The following POLG variants were observed in gnomAD, a reference collection of about 807,000 sequenced individuals.
POLG encodes the protein DNA polymerase gamma, catalytic subunit, also known as DNA polymerase subunit gamma-1.
A neutral mutation model predicts 155.4 loss-of-function variants in POLG; 110 were observed. The observed-to-expected ratio is 0.71, with a 90% CI of 0.61 to 0.83. The LOEUF (loss-of-function observed/expected upper bound fraction) is 0.83, where lower values mean the gene tolerates loss of function less well. POLG is among the 40% of genes least tolerant of loss of function. The pLI is 0.00. For missense variants in POLG, 1,685 were observed against 1,627.5 expected, an observed-to-expected ratio of 1.04 and a Z score of -0.61; for synonymous variants, 701 against 631.5, an observed-to-expected ratio of 1.11 and a Z score of -1.65.
At position 89,316,780 on chromosome 15, in the gene POLG, A is replaced by G. The variant is rs941120370; in HGVS notation, c.3691T>C (p.Leu1231=). Residue 1231 remains leucine (L), a synonymous_variant, in exon 23 of 23, where the codon TTG becomes CTG. Transcript: ENST00000268124. Reference sequence around the variant, plus strand: ...GGTCCAGGCTGGCTTCGTTTTTCCAAGGAGCCTTTGGTGAGTTCAATTATC... The same window carrying G: ...GGTCCAGGCTGGCTTCGTTTTTCCAGGGAGCCTTTGGTGAGTTCAATTATC... ...YQIIELTKGS[L]EKRSQPGP 8.7e-6 allele frequency: 14 copies of G among 1,614,044 alleles called. No individual in the cohort carries two copies. Among genetic ancestry groups the G allele is most frequent in the Non-Finnish European group, 1.2e-5 (14 of 1,179,902 alleles).
At chr15:89,332,531 G>A (rs2055606448) in intron 2 of POLG, among the ~76,000 whole-genome samples, 1 of 137,994 alleles carries the variant, frequency 7.2e-6, no homozygotes, top group Non-Finnish European at 1.5e-5. Context: ...GGGGAAGGAA[G>A]CAATGTTTCT....
chr15:89,321,912 A>G, intron 15 of POLG, 50 bp downstream of exon 15: 1 of 1,607,856 alleles, frequency 6.2e-7, no homozygotes, highest in Non-Finnish European at 8.5e-7. Context: ...CTTAGGACCT[A>G]CCACCTCACC....
At chr15:89,332,377 G>A (rs907856019) in intron 2 of POLG, 4 of 151,942 alleles carry the variant, frequency 2.6e-5, no homozygotes, top group Non-Finnish European at 2.9e-5. Flanking sequence ...TTTTAATCCT[G>A]GAATGAAGAA....
In POLG at chr15:89,323,920, C is replaced by T. The variant is rs1042766729; in HGVS notation, c.2071-19G>A. On this transcript the variant is annotated intron_variant, in intron 11 of 22. Coordinates refer to ENST00000268124, the MANE Select transcript of POLG (RefSeq NM_002693.3). ...CTTCTACCTGGAGCAGTCCAAGGAC[C>T]AAAGTAGTGAAGCAGGGGACTGGGT... is the stretch of plus-strand genomic sequence containing the variant. 7 of 1,601,366 alleles carry T rather than the reference C, an allele frequency of 4.4e-6. No homozygotes were observed. Among genetic ancestry groups the T allele is most frequent in the Non-Finnish European group, 4.3e-6 (5 of 1,168,302 alleles).
intron 11 of POLG, 87 bp downstream of exon 11, chr15:89,324,020 C>T (rs1200646485): frequency 1.9e-6 from 3 of 1,591,784 alleles, no homozygotes; most frequent in Non-Finnish European, 2.6e-6. Context: ...CCACCAGTGC[C>T]AGCCTCCCAC....
At chr15:89,318,518 T>C in intron 21 of POLG, 23 bp downstream of exon 21, 1 of 1,604,724 alleles carries the variant, frequency 6.2e-7, no homozygotes, top group Non-Finnish European at 8.5e-7. Flanking sequence ...ATGGCCAGGC[T>C]AGAGGCCATG....
chr15:89,324,269 A>G (rs769491373), intron 10 of POLG, 42 bp from the exon 11 acceptor site: 11 of 1,606,656 alleles, frequency 6.8e-6, no homozygotes, highest in Non-Finnish European at 9.3e-6. Flanking sequence ...TGATTACCAG[A>G]TGCCCACTCT....
At chr15:89,327,951 T>C (rs1432599732) in intron 6 of POLG, among the ~76,000 whole-genome samples, 1 of 152,158 alleles carries the variant, frequency 6.6e-6, no homozygotes, top group Non-Finnish European at 1.5e-5. Flanking sequence ...AAGAATACAG[T>C]ATATAATACG....
chr15:89,331,256 C>G (rs1209163855), intron 2 of POLG, among the ~76,000 whole-genome samples: 2 of 152,200 alleles, frequency 1.3e-5, no homozygotes, highest in African/African-American at 4.8e-5. Flanking sequence ...CGAACTCATA[C>G]TCCAAATGGT....
Position 89,319,226 on chromosome 15 carries a change from A to T in POLG, c.3104+2T>A, listed in dbSNP as rs747632869. 5 of 1,613,994 alleles carry T rather than the reference A, an allele frequency of 3.1e-6. No homozygotes were observed. In the East Asian group the frequency reaches 6.7e-5, roughly 22 times the overall value. ...CATCCTTAACACAAAGAAGGTTCTT[A>T]CTTCCTTGCAGTTTCTCTCTGGACC... On this transcript the variant is annotated splice_donor_variant, in intron 19 of 22. Coordinates refer to ENST00000268124, the MANE Select transcript of POLG (RefSeq NM_002693.3). LOFTEE classifies it high-confidence loss of function.
intron 18 of POLG, among the ~76,000 whole-genome samples, chr15:89,320,204 G>C (rs2055374357): frequency 1.3e-5 from 2 of 152,236 alleles, no homozygotes; most frequent in Non-Finnish European, 2.9e-5. Context: ...ACAGTGTACT[G>C]TACCTCAGGA....
At chr15:89,330,373 C>T in intron 2 of POLG, 97 bp from the exon 3 acceptor site, 1 of 950,278 alleles carries the variant, frequency 1.1e-6, no homozygotes, top group Non-Finnish European at 1.6e-6. Flanking sequence ...CCAGATGGTG[C>T]ATTGGCAGCT....
chr15:89,322,642 T>TA (rs1255565448), intron 14 of POLG, 100 bp downstream of exon 14: 1 of 1,324,050 alleles, frequency 7.6e-7, no homozygotes, highest in Non-Finnish European at 1.1e-6. Flanking sequence ...CTCTAGACCA[T>TA]AGTCAGGCTG....
chr15:89,328,633 A>G lies in POLG; in HGVS notation c.1170+52T>C. On this transcript the variant is annotated intron_variant, in intron 5 of 22. Coordinates refer to ENST00000268124, the MANE Select transcript of POLG (RefSeq NM_002693.3). ...CTGGCAGCTGCATCTCCCCAAGTGCAGCTAGGGGTGTGCCACAGCCCATGT... is the reference window on the plus strand; with the variant it reads ...CTGGCAGCTGCATCTCCCCAAGTGCGGCTAGGGGTGTGCCACAGCCCATGT... The G allele has an allele frequency of 1.9e-6, 3 of 1,610,460 alleles. No homozygotes were observed. In the East Asian group the frequency reaches 6.7e-5, roughly 36 times the overall value.
At chr15:89,326,151 G>A (rs1047377382) in intron 9 of POLG, among the ~76,000 whole-genome samples, 4 of 152,172 alleles carry the variant, frequency 2.6e-5, no homozygotes, top group African/African-American at 7.2e-5. Flanking sequence ...GTGCAAAGCT[G>A]GCACCCTGCT....
rs770203176 is a variant in POLG, at chr15:89,327,298, G to A, written c.1302C>T (p.Tyr434=). ...GCTCCCAGTTCTGGTTGACAGGCAG[G>A]TAGGAGACACCCATCTCCAGCATGC... ...LAGMLEMGVS[Y]LPVNQNWERY... is the part of the protein sequence containing the mutation. The change falls in exon 7 of 23, where the codon TAC becomes TAT. Residue 434 remains tyrosine (Y), a synonymous_variant. Transcript: ENST00000268124. 7 of 1,614,110 alleles carry A rather than the reference G, an allele frequency of 4.3e-6. No individual in the cohort carries two copies. The East Asian group carries it at 6.7e-5, about 15-fold the overall frequency.
chr15:89,327,961 G>C (rs1011792159), intron 6 of POLG, among the ~76,000 whole-genome samples: 1 of 151,728 alleles, frequency 6.6e-6, no homozygotes, highest in Admixed American at 6.6e-5. Context: ...TATATAATAC[G>C]TATAACATAA....
At position 89,333,839 on chromosome 15, in the gene POLG, G is replaced by T; in HGVS notation, c.-85C>A. ...GCTTCTTTTACTGGCTGGAAGACGT[G>T]GAGAGAGACACGTCCTGTCTCTGCT... On this transcript the variant is annotated 5_prime_UTR_variant, in exon 2 of 23. Transcript: ENST00000268124. 6.8e-7 allele frequency: 1 copy of T among 1,471,846 alleles called. No homozygotes were observed. The highest frequency in any genetic ancestry group is 1.2e-5 in the South Asian group (1 of 82,550). The allele number at this position is 1,471,846 out of a possible 1,614,324, so 91.2% of individuals were successfully genotyped here.
chr15:89,327,117 C>T (rs1180067765), intron 7 of POLG, 50 bp downstream of exon 7: 1 of 1,613,944 alleles, frequency 6.2e-7, no homozygotes, highest in Non-Finnish European at 8.5e-7. Context: ...GGCTAGGCCG[C>T]CCACCTGCCA....
Sources: gnomAD v4.1 joint callset for allele counts (sites outside exome capture counted in the v4.1 genomes callset) on GRCh38, gnomAD v4.1.1 for gene constraint, MANE v1.5 for transcripts, NCBI Gene and HGNC (gene_info 2026-07-23, HGNC 2026-07-21) for gene names.